DYNC1H1: variants seen among roughly 807,000 people sequenced by gnomAD.
DYNC1H1 encodes the protein cytoplasmic dynein 1 heavy chain 1.
DYNC1H1 carries 51 observed loss-of-function variants against 527.1 expected under a neutral mutation model. The ratio of observed to expected loss-of-function variants is 0.10; its 90% CI spans 0.08 to 0.12. The LOEUF is 0.12. Ranked by LOEUF, DYNC1H1 falls within the 10% of genes least tolerant of loss-of-function variation. The probability of loss-of-function intolerance (pLI) is 1.00; values close to 1 mark genes in which losing one functional copy is unlikely to be tolerated. For missense variants in DYNC1H1, 2,771 were observed against 5,971.8 expected (o/e 0.46, Z 17.66); for synonymous variants, 2,189 against 2,278.8 (o/e 0.96, Z 1.12).
Position 102,050,713 on chromosome 14 carries a change from T to A in DYNC1H1, c.*150T>A. The A allele has an allele frequency of 7.9e-7, 1 of 1,272,006 alleles. No homozygotes were observed. The highest frequency in any genetic ancestry group is 1.1e-6 in the Non-Finnish European group (1 of 902,188). The allele number at this position is 1,272,006 out of a possible 1,614,324, so 78.8% of individuals were successfully genotyped here. A position where few individuals can be genotyped will look rare whatever the true frequency, so the allele number is the denominator to read the frequency against. On this transcript the variant is annotated 3_prime_UTR_variant, in exon 78 of 78. Coordinates refer to ENST00000360184, the MANE Select transcript of DYNC1H1 (RefSeq NM_001376.5). ...AATGGAATCTGACGGTTGGGAGTGGTGGAAATTGGAAGGATACCAGGAGGT... is the reference window on the plus strand; with the variant it reads ...AATGGAATCTGACGGTTGGGAGTGGAGGAAATTGGAAGGATACCAGGAGGT...
In DYNC1H1 at chr14:102,002,513, C is replaced by T. The variant is rs1211229319; in HGVS notation, c.4543-24C>T. On this transcript the variant is annotated intron_variant, in intron 21 of 77. Coordinates refer to ENST00000360184, the MANE Select transcript of DYNC1H1 (RefSeq NM_001376.5). This position sits in a 1 kb window ranked among gnomAD's most constrained non-coding sequence, Gnocchi z 4.4. ...GTGAGTAGAAGGGTCAGCAGTTTACCTCTCCCTCCTGTCTGCCCACCAGGT... is the reference window on the plus strand; with the variant it reads ...GTGAGTAGAAGGGTCAGCAGTTTACTTCTCCCTCCTGTCTGCCCACCAGGT... 5 of 1,613,568 alleles carry T rather than the reference C, an allele frequency of 3.1e-6. No individual in the cohort carries two copies. Among genetic ancestry groups the T allele is most frequent in the Non-Finnish European group, 4.2e-6 (5 of 1,179,834 alleles).
chr14:102,001,935 G>C lies in DYNC1H1; in HGVS notation c.4542+254G>C, dbSNP rs192643647. Among the ~76,000 whole-genome samples, 247 of 152,038 alleles carry C rather than the reference G, an allele frequency of 1.6e-3. 1 individual carries two copies. The highest frequency in any genetic ancestry group is 5.6e-3 in the African/African-American group (234 of 41,468). On this transcript the variant is annotated intron_variant, in intron 21 of 77. Transcript: ENST00000360184. The surrounding 1 kb of genome is among the most constrained non-coding windows in gnomAD (Gnocchi z 5.0). ...ACCACAGGCACATGCCACCATGCTG[G>C]GCTAGCTTTTTATTTTTTGTAGAGA... is the stretch of plus-strand genomic sequence containing the variant.
Position 102,011,763 on chromosome 14 carries a change from A to G in DYNC1H1, c.6619-112A>G. 1 of 1,242,052 alleles carries G rather than the reference A, an allele frequency of 8.1e-7. No homozygotes were observed. The highest frequency in any genetic ancestry group is 1.2e-6 in the Non-Finnish European group (1 of 865,610). The allele number at this position is 1,242,052 out of a possible 1,614,324, so 76.9% of individuals were successfully genotyped here. A position where few individuals can be genotyped will look rare whatever the true frequency, so the allele number is the denominator to read the frequency against. ...AGAGACTCCGTTTCAGGAAAAAAAA[A>G]AAAATCCACACATAATGTTTCTTGC... On this transcript the variant is annotated intron_variant, in intron 32 of 77. Transcript: ENST00000360184. This position sits in a 1 kb window ranked among gnomAD's most constrained non-coding sequence, Gnocchi z 5.3.
chr14:102,050,274 A>T lies in DYNC1H1; in HGVS notation c.13812+76A>T, dbSNP rs1217599684. ...CAAGGGCAGAGGCGGCTCCTCTTCT[A>T]TGCCTGGGTTCCACTTGGAACGGGA... On this transcript the variant is annotated intron_variant, in intron 77 of 77. Coordinates refer to ENST00000360184, the MANE Select transcript of DYNC1H1 (RefSeq NM_001376.5). 1.2e-5 allele frequency: 20 copies of T among 1,612,356 alleles called. No individual in the cohort carries two copies. In the East Asian group the frequency reaches 4.2e-4, roughly 34 times the overall value.
At position 102,040,313 on chromosome 14, in the gene DYNC1H1, G is replaced by T; in HGVS notation, c.11768G>T (p.Arg3923Met). The T allele has an allele frequency of 6.2e-7, 1 of 1,614,206 alleles. No individual in the cohort carries two copies. The highest frequency in any genetic ancestry group is 1.3e-5 in the African/African-American group (1 of 75,052). The change falls in exon 63 of 78, where the codon AGG becomes ATG. Residue 3923 changes from arginine to methionine, a missense_variant. Arg to Met is a moderately conservative substitution (Grantham distance 91, BLOSUM62 -1). Around this residue, in one of 32 missense-constraint regions of DYNC1H1, gnomAD observed 120 missense variants for 161.9 expected, o/e 0.74. Transcript: ENST00000360184. The part of the protein sequence containing the change: ...EIVLSAGSTP[R>M]IQGLTVEQAE... ...GTCCTGAGTGCTGGCTCCACCCCCA[G>T]GATCCAGGGCCTGACTGTGGAGCAG...
chr14:102,008,869 T>C (rs554289095), intron 29 of DYNC1H1, among the ~76,000 whole-genome samples: 47 of 152,310 alleles, frequency 3.1e-4, no homozygotes, highest in Non-Finnish European at 5.7e-4. Flanking sequence ...TTCTATGTCC[T>C]AGGACAACCA....
chr14:101,968,904 A>G (rs1248293448), intron 1 of DYNC1H1, among the ~76,000 whole-genome samples: 3 of 152,186 alleles, frequency 2.0e-5, no homozygotes, highest in Non-Finnish European at 4.4e-5. Context: ...AGTTTAATCA[A>G]TGTAATTAAT....
Position 102,017,499 on chromosome 14 carries a change from A to C in DYNC1H1, c.8172A>C (p.Ser2724=). ...CAGACCCTGGAAGAAAGCCCCTCTC[A>C]CACAGGTAAAACAGCTCGGTAGACT... The part of the protein sequence containing the change: ...PPTDPGRKPL[S]HRFLRHVPVV... The change falls in exon 40 of 78, where the codon TCA becomes TCC. Residue 2724 remains serine (S), a synonymous_variant. Transcript: ENST00000360184. The surrounding 1 kb of genome is among the most constrained non-coding windows in gnomAD (Gnocchi z 4.6). 1 of 1,614,118 alleles carries C rather than the reference A, an allele frequency of 6.2e-7. No individual in the cohort carries two copies.
At chr14:101,977,015 G>A (rs994613031) in intron 2 of DYNC1H1, among the ~76,000 whole-genome samples, 3 of 152,116 alleles carry the variant, frequency 2.0e-5, no homozygotes, top group South Asian at 2.1e-4. Flanking sequence ...TAACGTTTGC[G>A]GATTTTGGTG....
Position 101,986,902 on chromosome 14 carries a change from G to A in DYNC1H1, c.2538+139G>A. 1 of 1,084,816 alleles carries A rather than the reference G, an allele frequency of 9.2e-7. No individual in the cohort carries two copies. The highest frequency in any genetic ancestry group is 1.3e-5 in the South Asian group (1 of 78,574). The allele number at this position is 1,084,816 out of a possible 1,614,324, so 67.2% of individuals were successfully genotyped here. On this transcript the variant is annotated intron_variant, in intron 8 of 77. Coordinates refer to ENST00000360184, the MANE Select transcript of DYNC1H1 (RefSeq NM_001376.5). The surrounding 1 kb of genome is among the most constrained non-coding windows in gnomAD (Gnocchi z 8.7). Reference sequence around the variant, plus strand: ...CGGCCATGTGAGCTGCAAGGGAGGAGGACCCTTTGTACTCACCGGGCTATT... The same window carrying A: ...CGGCCATGTGAGCTGCAAGGGAGGAAGACCCTTTGTACTCACCGGGCTATT...
Position 102,011,600 on chromosome 14 carries a change from T to A in DYNC1H1, c.6619-275T>A, listed in dbSNP as rs1301551078. On this transcript the variant is annotated intron_variant, in intron 32 of 77. Coordinates refer to ENST00000360184, the MANE Select transcript of DYNC1H1 (RefSeq NM_001376.5). This position sits in a 1 kb window ranked among gnomAD's most constrained non-coding sequence, Gnocchi z 5.3. ...TCTCCAGCTGGGGAGTTTCAGTACT[T>A]GCCTTTAATAATCCATAGATAGGCG... The A allele has an allele frequency of 3.1e-5, 14 of 453,908 alleles. No individual in the cohort carries two copies. Among genetic ancestry groups the A allele is most frequent in the Non-Finnish European group, 5.7e-5 (14 of 245,216 alleles). 28.1% of individuals were successfully genotyped at this position (453,908 alleles called of 1,614,324 possible). A position where few individuals can be genotyped will look rare whatever the true frequency, so the allele number is the denominator to read the frequency against.
chr14:102,025,128 G>A (rs1595622118), intron 43 of DYNC1H1, among the ~76,000 whole-genome samples: 1 of 151,900 alleles, frequency 6.6e-6, no homozygotes, highest in East Asian at 2.0e-4. Flanking sequence ...CTGAGGTCAG[G>A]AGTTCGAGAC....
At chr14:101,999,048 ATTGT>A (rs1325928072) in intron 16 of DYNC1H1, among the ~76,000 whole-genome samples, 2 of 151,690 alleles carry the variant, frequency 1.3e-5, no homozygotes, top group African/African-American at 2.4e-5. Context: ...CGCCTGGCTA[ATTGT>A]TTGTATTTTT....
chr14:101,994,317 A>G lies in DYNC1H1; in HGVS notation c.3149A>G (p.Tyr1050Cys). The G allele has an allele frequency of 6.2e-7, 1 of 1,614,200 alleles. No individual in the cohort carries two copies. The highest frequency in any genetic ancestry group is 8.5e-7 in the Non-Finnish European group (1 of 1,180,028). ...VMGIVSEVEQ[Y>C]VKVWLQYQCL... ...GGCATTGTATCTGAAGTTGAACAGT[A>G]TGTCAAGGTAAGAAACTCCTAATTT... The change falls in exon 12 of 78, where the codon TAT (tyrosine) becomes TGT (cysteine). Residue 1050 changes from tyrosine (Y) to cysteine (C), a missense_variant. Physicochemically the swap from Tyr to Cys is radical, Grantham distance 194 (BLOSUM62 -2). Coordinates refer to ENST00000360184, the MANE Select transcript of DYNC1H1 (RefSeq NM_001376.5).
chr14:102,044,360 C>T lies in DYNC1H1; in HGVS notation c.12771C>T (p.Asp4257=). The T allele has an allele frequency of 6.2e-7, 1 of 1,613,868 alleles. No individual in the cohort carries two copies. Among genetic ancestry groups the T allele is most frequent in the Middle Eastern group, 1.7e-4 (1 of 6,050 alleles). ...AGTCCATTTATGGCGGGCGCGTGGA[C>T]AACGAGTTTGACCAGCGTCTGCTCA... ...MAQSIYGGRV[D]NEFDQRLLNT... Residue 4257 remains aspartate, a synonymous_variant, in exon 71 of 78, where the codon GAC becomes GAT. Transcript: ENST00000360184. The surrounding 1 kb of genome is among the most constrained non-coding windows in gnomAD (Gnocchi z 7.1).
chr14:101,982,859 G>A (rs1019264245), intron 5 of DYNC1H1, among the ~76,000 whole-genome samples, 160 bp from the exon 6 acceptor site: 2 of 151,998 alleles, frequency 1.3e-5, no homozygotes, highest in Non-Finnish European at 2.9e-5. Context: ...GCGCCACTAG[G>A]GTTATCCTGT....
intron 1 of DYNC1H1, among the ~76,000 whole-genome samples, chr14:101,968,903 A>G (rs986022041): frequency 6.6e-5 from 10 of 152,140 alleles, no homozygotes; most frequent in Non-Finnish European, 1.3e-4. Context: ...TAGTTTAATC[A>G]ATGTAATTAA....
At chr14:102,047,434 G>T (rs1340146282) in intron 72 of DYNC1H1, among the ~76,000 whole-genome samples, 1 of 151,826 alleles carries the variant, frequency 6.6e-6, no homozygotes, top group African/African-American at 2.4e-5. Flanking sequence ...CTACTTGGGA[G>T]CCTGAGTCAG....
At position 102,051,076 on chromosome 14, in the gene DYNC1H1, C is replaced by G. The variant is rs1464722435; in HGVS notation, c.*513C>G. On this transcript the variant is annotated 3_prime_UTR_variant, in exon 78 of 78. Coordinates refer to ENST00000360184, the MANE Select transcript of DYNC1H1 (RefSeq NM_001376.5). ...TCTGGGAGTTAAAGACCAGCCTCGG[C>G]AACATAGTGAGACCCCGTCTCTACA... 4.5e-6 allele frequency: 1 copy of G among 219,784 alleles called. No individual in the cohort carries two copies. Among genetic ancestry groups the G allele is most frequent in the African/African-American group, 2.3e-5 (1 of 43,172 alleles). 13.6% of individuals were successfully genotyped at this position (219,784 alleles called of 1,614,324 possible).
Sources: gnomAD v4.1 joint callset for allele counts (sites outside exome capture counted in the v4.1 genomes callset) on GRCh38, gnomAD v4.1.1 for gene constraint, gnomAD v4.1.1 regional missense constraint, Gnocchi (gnomAD v3.1) non-coding constraint, MANE v1.5 for transcripts, NCBI Gene and HGNC (gene_info 2026-07-23, HGNC 2026-07-21) for gene names.